Variants in RBMS3 observed in about 807,000 individuals in gnomAD.
RBMS3 encodes RNA binding motif single stranded interacting protein 3.
RBMS3 carries 27 observed loss-of-function variants against 66.8 expected under a neutral mutation model. The ratio of observed to expected loss-of-function variants is 0.40; its 90% confidence interval spans 0.30 to 0.56. RBMS3 has a LOEUF of 0.56. Ranked by LOEUF, RBMS3 falls within the 20% of genes least tolerant of loss-of-function variation. RBMS3 has a pLI of 0.40. For missense variants in RBMS3, 513 were observed against 549.5 expected (o/e 0.93, Z 0.66); for synonymous variants, 188 against 183.0 (o/e 1.03, Z -0.22).
At chr3:29,426,209 A>AT (rs1330934574) in intron 1 of RBMS3, among the ~76,000 whole-genome samples, 1 of 152,226 alleles carries the variant, frequency 6.6e-6, no homozygotes, top group Non-Finnish European at 1.5e-5. Context: ...GAGATAAAAA[A>AT]TTAGTCAAAT....
intron 5 of RBMS3, among the ~76,000 whole-genome samples, chr3:29,757,684 AT>A: frequency 6.6e-6 from 1 of 152,190 alleles, no homozygotes; most frequent in East Asian, 1.9e-4. Context: ...AAAGCTTCTT[AT>A]TTTGCAATAA....
At chr3:29,940,439 G>C (rs1445614113) in intron 11 of RBMS3, among the ~76,000 whole-genome samples, 2 of 151,864 alleles carry the variant, frequency 1.3e-5, no homozygotes, top group African/African-American at 2.4e-5. Flanking sequence ...GCAGAGCAGA[G>C]AGCTATCCAG....
At chr3:29,547,843 A>G (rs1201288810) in intron 3 of RBMS3, among the ~76,000 whole-genome samples, 1 of 111,750 alleles carries the variant, frequency 8.9e-6, no homozygotes, top group African/African-American at 3.6e-5. Context: ...ACAGAGTCTC[A>G]TTCTGTTTTC....
chr3:29,769,893 A>T (rs915511497), intron 6 of RBMS3, among the ~76,000 whole-genome samples: 2 of 152,118 alleles, frequency 1.3e-5, no homozygotes, highest in East Asian at 3.9e-4. Flanking sequence ...GTTTTAATTA[A>T]AAATATTTCC....
At chr3:29,875,940 TGAC>T (rs1388698142) in intron 7 of RBMS3, among the ~76,000 whole-genome samples, 1 of 152,150 alleles carries the variant, frequency 6.6e-6, no homozygotes, top group Non-Finnish European at 1.5e-5. Context: ...AGAAAGACTG[TGAC>T]GATATAGTGC....
intron 13 of RBMS3, among the ~76,000 whole-genome samples, 167 bp downstream of exon 13, chr3:29,988,390 C>T (rs1698580018): frequency 6.6e-6 from 1 of 152,164 alleles, no homozygotes; most frequent in African/African-American, 2.4e-5. Context: ...TTGAATGTGG[C>T]TGTGTTTTGC....
At chr3:29,470,370 CAT>C (rs1288929464) in intron 2 of RBMS3, among the ~76,000 whole-genome samples, 1 of 152,002 alleles carries the variant, frequency 6.6e-6, no homozygotes, top group Non-Finnish European at 1.5e-5. Flanking sequence ...CTTCAGAAGA[CAT>C]GTCACTTCTT....
At chr3:29,984,060 G>A (rs1291006471) in intron 12 of RBMS3, among the ~76,000 whole-genome samples, 2 of 152,142 alleles carry the variant, frequency 1.3e-5, no homozygotes, top group Non-Finnish European at 2.9e-5. Flanking sequence ...TCAAACGTAG[G>A]TTTGGTCTTT....
chr3:29,612,043 T>A (rs1179036439), intron 4 of RBMS3, among the ~76,000 whole-genome samples: 1 of 152,004 alleles, frequency 6.6e-6, no homozygotes, highest in African/African-American at 2.4e-5. Context: ...ACTCCTCAAT[T>A]TTTTTGTTTG....
At chr3:29,592,017 C>A (rs2047754846) in intron 4 of RBMS3, among the ~76,000 whole-genome samples, 1 of 151,288 alleles carries the variant, frequency 6.6e-6, no homozygotes, top group Non-Finnish European at 1.5e-5. Flanking sequence ...TCTACCATGG[C>A]AGAAAACCAG....
chr3:29,348,970 T>A (rs2036745810), intron 1 of RBMS3, among the ~76,000 whole-genome samples: 1 of 152,138 alleles, frequency 6.6e-6, no homozygotes, highest in African/African-American at 2.4e-5. Flanking sequence ...TGGTTCTCAT[T>A]TCTAACCCTG....
chr3:29,701,717 C>T (rs2052593269), intron 4 of RBMS3, among the ~76,000 whole-genome samples: 1 of 152,148 alleles, frequency 6.6e-6, no homozygotes, highest in South Asian at 2.1e-4. Flanking sequence ...TTAGGCGGGC[C>T]AGCAGCTGCG....
At chr3:29,674,893 G>GA (rs1317121631) in intron 4 of RBMS3, among the ~76,000 whole-genome samples, 2 of 152,038 alleles carry the variant, frequency 1.3e-5, no homozygotes, top group East Asian at 1.9e-4. Context: ...CACAGAATTG[G>GA]AAAAAACTAC....
rs867067603 is a variant in RBMS3, at chr3:29,837,693, T to C, written c.638-31165T>C. Among the ~76,000 whole-genome samples, 324 of 114,970 alleles carry C rather than the reference T, an allele frequency of 2.8e-3. 5 individuals are homozygous for C. The highest frequency in any genetic ancestry group is 0.011 in the African/African-American group (288 of 27,428). 75.4% of individuals were successfully genotyped at this position (114,970 alleles called of 152,430 possible). ...ATATATATATATATATATATATATA[T>C]ATATATATATATATGCTTATTAGCT... On this transcript the variant is annotated intron_variant, in intron 6 of 14. Transcript: ENST00000383767.
intron 1 of RBMS3, among the ~76,000 whole-genome samples, chr3:29,411,944 A>G (rs138658733): frequency 1.2e-4 from 19 of 152,376 alleles, no homozygotes; most frequent in African/African-American, 4.3e-4. Context: ...TTACCAAAAT[A>G]GTTGAAAAAC....
At chr3:29,886,879 G>C (rs1385573759) in intron 8 of RBMS3, among the ~76,000 whole-genome samples, 1 of 151,672 alleles carries the variant, frequency 6.6e-6, no homozygotes, top group Non-Finnish European at 1.5e-5. Context: ...GAAACCAAAA[G>C]GAGAGACAAC....
chr3:29,881,810 T>C (rs1157204283), intron 7 of RBMS3, among the ~76,000 whole-genome samples: 1 of 152,118 alleles, frequency 6.6e-6, no homozygotes, highest in East Asian at 1.9e-4. Flanking sequence ...ATAAAAAGAA[T>C]GTTCAAGACA....
intron 1 of RBMS3, among the ~76,000 whole-genome samples, chr3:29,320,078 C>G (rs904281215): frequency 2.6e-5 from 4 of 151,996 alleles, no homozygotes; most frequent in African/African-American, 9.7e-5. Context: ...AACTGACTTA[C>G]CTCATCAAGT....
At chr3:29,520,127 G>C (rs1309580480) in intron 3 of RBMS3, among the ~76,000 whole-genome samples, 2 of 152,098 alleles carry the variant, frequency 1.3e-5, no homozygotes, top group Non-Finnish European at 2.9e-5. Flanking sequence ...TAATGATCTA[G>C]ACATAGCAAT....
Sources: gnomAD v4.1 joint callset for allele counts (sites outside exome capture counted in the v4.1 genomes callset) on GRCh38, gnomAD v4.1.1 for gene constraint, MANE v1.5 for transcripts, NCBI Gene and HGNC (gene_info 2026-07-23, HGNC 2026-07-21) for gene names.